Variants in SLC30A6 observed in about 807,000 individuals in gnomAD.
The protein encoded by SLC30A6 is zinc transporter 6.
Under a neutral mutation model 63.0 loss-of-function variants are expected in SLC30A6, and 55 were observed. The observed-to-expected ratio is 0.87, with a 90% confidence interval of 0.70 to 1.09. The LOEUF is 1.09. Ranked by LOEUF, SLC30A6 falls within the 50% of genes least tolerant of loss-of-function variation. SLC30A6 has a pLI of 0.00. For missense variants in SLC30A6, 587 were observed against 549.2 expected (o/e 1.07, Z -0.69); for synonymous variants, 224 against 186.1 (o/e 1.20, Z -1.66).
intron 4 of SLC30A6, among the ~76,000 whole-genome samples, chr2:32,184,040 G>C (rs1265832373): frequency 6.6e-6 from 1 of 152,050 alleles, no homozygotes; most frequent in Non-Finnish European, 1.5e-5. Flanking sequence ...ACTTTATTCT[G>C]TTCCTTCACA....
At chr2:32,178,097 G>A (rs560933331) in intron 4 of SLC30A6, among the ~76,000 whole-genome samples, 8 of 151,736 alleles carry the variant, frequency 5.3e-5, no homozygotes, top group Non-Finnish European at 1.0e-4. Context: ...ACAGGCACCC[G>A]CCACCACGCT....
intron 10 of SLC30A6, among the ~76,000 whole-genome samples, chr2:32,201,110 A>G (rs1351642380): frequency 2.0e-5 from 3 of 152,186 alleles, no homozygotes; most frequent in Non-Finnish European, 2.9e-5. Flanking sequence ...TTGTGCGGCC[A>G]TGGTACTCTG....
intron 3 of SLC30A6, among the ~76,000 whole-genome samples, chr2:32,174,850 C>A (rs574802700): frequency 6.6e-6 from 1 of 152,260 alleles, no homozygotes; most frequent in East Asian, 1.9e-4. Context: ...CCGTGCCTGG[C>A]TGGAGATTTG....
At chr2:32,205,086 T>C (rs921905255) in intron 11 of SLC30A6, among the ~76,000 whole-genome samples, 1 of 152,174 alleles carries the variant, frequency 6.6e-6, no homozygotes, top group Non-Finnish European at 1.5e-5. Context: ...GTGTTGGGAC[T>C]ATACGCGAGA....
chr2:32,182,321 A>G (rs1482052718), intron 4 of SLC30A6, among the ~76,000 whole-genome samples: 1 of 151,998 alleles, frequency 6.6e-6, no homozygotes, highest in East Asian at 1.9e-4. Context: ...TTCAAAACCA[A>G]CCTAGATTAT....
intron 13 of SLC30A6, among the ~76,000 whole-genome samples, chr2:32,219,008 T>A (rs905663438): frequency 1.3e-5 from 2 of 152,204 alleles, no homozygotes; most frequent in Non-Finnish European, 2.9e-5. Context: ...AGTCCTCTGG[T>A]AGCCTCTTTT....
At chr2:32,181,916 T>C (rs1682348565) in intron 4 of SLC30A6, among the ~76,000 whole-genome samples, 1 of 150,614 alleles carries the variant, frequency 6.6e-6, no homozygotes, top group Non-Finnish European at 1.5e-5. Context: ...TTCAATTGTA[T>C]ATTTCGTTTT....
In SLC30A6 at chr2:32,192,340, G is replaced by A; in HGVS notation, c.289G>A (p.Glu97Lys). The A allele has an allele frequency of 6.2e-7, 1 of 1,613,944 alleles. No individual in the cohort carries two copies. The highest frequency in any genetic ancestry group is 8.5e-7 in the Non-Finnish European group (1 of 1,179,888). The change falls in exon 6 of 14, where the codon GAA becomes AAA. Residue 97 changes from glutamate (E) to lysine (K), a missense_variant. Coordinates refer to ENST00000282587, the MANE Select transcript of SLC30A6 (RefSeq NM_017964.5). ...TAATTAATGTTTTGGTTTCAGGTTT[G>A]AAAGATTAGAAGTCCTGGCTGTATT... ...KPSPVYSFGF[E>K]RLEVLAVFAS...
chr2:32,187,060 T>TAAAAATGGGAGG (rs1682898397), intron 5 of SLC30A6: 3 of 386,770 alleles, frequency 7.8e-6, no homozygotes, highest in Middle Eastern at 3.7e-4. Context: ...TGGGAGGACT[T>TAAAAATGGGAGG]TTACAATTTA....
In SLC30A6 at chr2:32,213,944, A is replaced by G. The variant is rs149244684; in HGVS notation, c.885+4383A>G. 8.1e-3 allele frequency among the ~76,000 whole-genome samples: 1,226 copies of G among 152,098 alleles called. 21 individuals are homozygous for G. The highest frequency in any genetic ancestry group is 0.028 in the African/African-American group (1,166 of 41,504). On this transcript the variant is annotated intron_variant, in intron 13 of 13. Transcript: ENST00000282587. ...TCAGCCTCCCAAGTAGATAAAAACT[A>G]GAAAGAAGCTATCTGTGAAACTGCT... is the stretch of plus-strand genomic sequence containing the variant.
chr2:32,222,240 C>G lies in SLC30A6; in HGVS notation c.*1527C>G, dbSNP rs1332699919. 2.6e-5 allele frequency: 4 copies of G among 152,122 alleles called. No individual in the cohort carries two copies. Among genetic ancestry groups the G allele is most frequent in the African/African-American group, 9.6e-5 (4 of 41,452 alleles). 9.4% of individuals were successfully genotyped at this position (152,122 alleles called of 1,614,324 possible). ...AAAAGTATAACAAGCAGCAGTCACACATGACCTAGGAGGGTTTTTTATTGT... is the reference window on the plus strand; with the variant it reads ...AAAAGTATAACAAGCAGCAGTCACAGATGACCTAGGAGGGTTTTTTATTGT... On this transcript the variant is annotated 3_prime_UTR_variant, in exon 14 of 14. Transcript: ENST00000282587.
In SLC30A6 at chr2:32,221,090, C is replaced by T. The variant is rs901686698; in HGVS notation, c.*377C>T. On this transcript the variant is annotated 3_prime_UTR_variant, in exon 14 of 14. Coordinates refer to ENST00000282587, the MANE Select transcript of SLC30A6 (RefSeq NM_017964.5). ...TTTTTTTCCGAGACGGAGTCTTGCT[C>T]TGCCACTGTGCCCGGCCAATACATT... The T allele has an allele frequency of 3.3e-5, 7 of 214,734 alleles. No homozygotes were observed. The highest frequency in any genetic ancestry group is 6.6e-5 in the Non-Finnish European group (7 of 105,668). The allele number at this position is 214,734 out of a possible 1,614,324, so 13.3% of individuals were successfully genotyped here.
intron 13 of SLC30A6, among the ~76,000 whole-genome samples, chr2:32,219,682 C>G (rs1395763834): frequency 6.6e-6 from 1 of 152,080 alleles, no homozygotes; most frequent in Non-Finnish European, 1.5e-5. Context: ...GTAATCCACC[C>G]ACCTCGGCCT....
At chr2:32,209,018 C>T (rs532976337) in intron 12 of SLC30A6, among the ~76,000 whole-genome samples, 242 of 152,246 alleles carry the variant, frequency 1.6e-3, no homozygotes, top group Non-Finnish European at 2.2e-3. Context: ...CAGTGGGCTA[C>T]ACACTATATA....
At chr2:32,187,209 C>T (rs911981548) in intron 5 of SLC30A6, 8 of 470,888 alleles carry the variant, frequency 1.7e-5, no homozygotes, top group African/African-American at 1.0e-4. Context: ...TCCACCAATC[C>T]GAAATGATGC....
At chr2:32,203,852 G>A in intron 10 of SLC30A6, 1 of 1,249,470 alleles carries the variant, frequency 8.0e-7, no homozygotes, top group Non-Finnish European at 1.2e-6. Context: ...TGGTCAAGTG[G>A]CCAGTCGGGC....
intron 5 of SLC30A6, among the ~76,000 whole-genome samples, chr2:32,186,574 C>T (rs946340328): frequency 2.0e-5 from 3 of 152,134 alleles, no homozygotes; most frequent in Non-Finnish European, 4.4e-5. Context: ...CACCTGTAAT[C>T]CCAGCTACTT....
At chr2:32,168,693 G>A (rs1442278140) in intron 1 of SLC30A6, among the ~76,000 whole-genome samples, 1 of 152,132 alleles carries the variant, frequency 6.6e-6, no homozygotes, top group Non-Finnish European at 1.5e-5. Context: ...ATATGAATAA[G>A]AGCTTGGGTT....
At chr2:32,186,193 C>T (rs934555052) in intron 5 of SLC30A6, among the ~76,000 whole-genome samples, 3 of 152,246 alleles carry the variant, frequency 2.0e-5, no homozygotes, top group South Asian at 2.1e-4. Flanking sequence ...CACCACCACA[C>T]CCAGTTAATT....
Sources: gnomAD v4.1 joint callset for allele counts (sites outside exome capture counted in the v4.1 genomes callset) on GRCh38, gnomAD v4.1.1 for gene constraint, MANE v1.5 for transcripts, NCBI Gene and HGNC (gene_info 2026-07-23, HGNC 2026-07-21) for gene names.